Variants in COL4A4 observed in about 807,000 individuals in gnomAD.
The protein encoded by COL4A4 is collagen alpha-4(IV) chain.
COL4A4 carries 105 observed loss-of-function variants against 192.9 expected under a neutral mutation model. The observed-to-expected ratio is 0.54, with a 90% CI of 0.46 to 0.64. COL4A4 has a LOEUF of 0.64. Among genes scored for constraint, COL4A4 ranks in the 30% least tolerant of loss-of-function variants. The probability of loss-of-function intolerance (pLI) is 0.00; values close to 1 mark genes in which losing one functional copy is unlikely to be tolerated. For synonymous variants in COL4A4, 762 were observed against 769.9 expected, an observed-to-expected ratio of 0.99 and a Z score of 0.17; for missense variants, 1,967 against 2,169.3, an observed-to-expected ratio of 0.91 and a Z score of 1.85.
intron 25 of COL4A4, among the ~76,000 whole-genome samples, chr2:227,062,982 G>T (rs1262784254): frequency 6.6e-6 from 1 of 152,188 alleles, no homozygotes; most frequent in Non-Finnish European, 1.5e-5. Context: ...AATAGAATGA[G>T]AAGTCTCGAT....
At chr2:227,083,274 C>G (rs980882588) in intron 22 of COL4A4, among the ~76,000 whole-genome samples, 1 of 151,878 alleles carries the variant, frequency 6.6e-6, no homozygotes, top group Non-Finnish European at 1.5e-5. Context: ...TTAGGGTGGC[C>G]AAGCACCATT....
chr2:227,049,838 G>A (rs529544786), intron 34 of COL4A4, among the ~76,000 whole-genome samples: 57 of 152,318 alleles, frequency 3.7e-4, no homozygotes, highest in Non-Finnish European at 6.6e-4. Context: ...CACAGAGGAG[G>A]AAGACACGAA....
chr2:227,158,937 A>C (rs928072423), intron 1 of COL4A4, among the ~76,000 whole-genome samples: 7 of 152,198 alleles, frequency 4.6e-5, no homozygotes, highest in African/African-American at 1.4e-4. Context: ...CTACCATATG[A>C]CCTAACCATT....
At chr2:227,142,152 T>C (rs1477464958) in intron 3 of COL4A4, among the ~76,000 whole-genome samples, 1 of 144,000 alleles carries the variant, frequency 6.9e-6, no homozygotes, top group Non-Finnish European at 1.5e-5. Flanking sequence ...TTGACTTGGA[T>C]CAGTAAAAGG....
At chr2:227,007,731 G>T in intron 47 of COL4A4, 143 bp from the exon 48 acceptor site, 1 of 1,194,912 alleles carries the variant, frequency 8.4e-7, no homozygotes, top group Non-Finnish European at 1.2e-6. Flanking sequence ...GCGCTGAAAA[G>T]GAGTCGTACT....
chr2:226,999,292 T>C (rs1050715843), downstream of COL4A4: 4 of 152,212 alleles, frequency 2.6e-5, no homozygotes, highest in Admixed American at 6.5e-5. Flanking sequence ...AGGTCTTTTT[T>C]TTTTCCCTTG....
chr2:227,099,226 C>A (rs898474290), intron 18 of COL4A4, among the ~76,000 whole-genome samples: 1 of 152,092 alleles, frequency 6.6e-6, no homozygotes, highest in Admixed American at 6.5e-5. Context: ...GCCACCACAC[C>A]CAGCTAATTT....
At position 227,117,798 on chromosome 2, in the gene COL4A4, G is replaced by A. The variant is rs550233297; in HGVS notation, c.489+847C>T. Among the ~76,000 whole-genome samples the A allele has an allele frequency of 5.3e-5, 7 of 131,840 alleles. No homozygotes were observed. In the East Asian group the frequency reaches 1.0e-3, roughly 19 times the overall value. The allele number at this position is 131,840 out of a possible 152,430, so 86.5% of individuals were successfully genotyped here. On this transcript the variant is annotated intron_variant, in intron 7 of 47. Transcript: ENST00000396625. ...TTAAATGAAAGTCCAAAATTCTGAAGAAAAAAAAAGCTAAGAGCCGTAAGT... is the reference window on the plus strand; with the variant it reads ...TTAAATGAAAGTCCAAAATTCTGAAAAAAAAAAAAGCTAAGAGCCGTAAGT...
Position 227,078,005 on chromosome 2 carries a change from G to A in COL4A4, c.1876C>T (p.Pro626Ser). 1 of 1,613,994 alleles carries A rather than the reference G, an allele frequency of 6.2e-7. No homozygotes were observed. The highest frequency in any genetic ancestry group is 8.5e-7 in the Non-Finnish European group (1 of 1,179,992). Reference sequence around the variant, plus strand: ...AATCCCAGTCCTGGGGGCCCCACAGGTCCTGCTTTGCCTGGGGGGCCCAGA... The same window carrying A: ...AATCCCAGTCCTGGGGGCCCCACAGATCCTGCTTTGCCTGGGGGGCCCAGA... ...GPLGPPGKAG[P>S]VGPPGLGFPG... The change falls in exon 25 of 48, where the codon CCT (proline) becomes TCT (serine). Residue 626 changes from proline (P) to serine (S), a missense_variant. Coordinates refer to ENST00000396625, the MANE Select transcript of COL4A4 (RefSeq NM_000092.5).
the COL4A4 span, among the ~76,000 whole-genome samples, chr2:226,971,693 A>T: frequency 6.6e-6 from 1 of 152,122 alleles, no homozygotes; most frequent in Admixed American, 6.5e-5. Context: ...AAAATCAGAG[A>T]GGTGTTTTTT....
chr2:227,022,434 G>T (rs1231875856), intron 43 of COL4A4: 1 of 687,424 alleles, frequency 1.5e-6, no homozygotes, highest in Non-Finnish European at 2.8e-6. Flanking sequence ...GAGTATCAGA[G>T]GATGCAGAAG....
At chr2:227,141,499 G>C (rs1184653778) in intron 3 of COL4A4, among the ~76,000 whole-genome samples, 5 of 152,168 alleles carry the variant, frequency 3.3e-5, no homozygotes, top group African/African-American at 1.2e-4. Context: ...GGAGGGAAAA[G>C]AGTCTAATCA....
the COL4A4 span, among the ~76,000 whole-genome samples, chr2:226,983,458 C>G: frequency 6.6e-6 from 1 of 152,134 alleles, no homozygotes; most frequent in Non-Finnish European, 1.5e-5. Context: ...CCACCTCAAT[C>G]CATTTCTTTT....
Position 227,089,611 on chromosome 2 carries a change from A to ATATATATATATATATATATG in COL4A4, c.1459+256_1459+257insCATATATATATATATATATA, listed in dbSNP as rs1491267361. Among the ~76,000 whole-genome samples, 13 of 119,618 alleles carry ATATATATATATATATATATG rather than the reference A, an allele frequency of 1.1e-4. 1 individual carries two copies. The highest frequency in any genetic ancestry group is 5.5e-4 in the African/African-American group (13 of 23,462). 78.5% of individuals were successfully genotyped at this position (119,618 alleles called of 152,430 possible). A position where few individuals can be genotyped will look rare whatever the true frequency, so the allele number is the denominator to read the frequency against. ...TCCATATATATATATATATATATAC[A>ATATATATATATATATATATG]TACATATATATAAATATATAAGACA... On this transcript the variant is annotated intron_variant, in intron 21 of 47. Coordinates refer to ENST00000396625, the MANE Select transcript of COL4A4 (RefSeq NM_000092.5).
At chr2:226,984,137 G>A in the COL4A4 span, among the ~76,000 whole-genome samples, 1 of 152,230 alleles carries the variant, frequency 6.6e-6, no homozygotes, top group African/African-American at 2.4e-5. Flanking sequence ...TCACCGCTCT[G>A]ATCACTGGGG....
chr2:227,148,642 G>A (rs2063709523), intron 1 of COL4A4, among the ~76,000 whole-genome samples: 1 of 151,810 alleles, frequency 6.6e-6, no homozygotes, highest in Non-Finnish European at 1.5e-5. Flanking sequence ...TTTTTATTGA[G>A]ATAAAATTTA....
chr2:227,058,676 C>T (rs762798479), intron 28 of COL4A4, among the ~76,000 whole-genome samples: 27 of 152,160 alleles, frequency 1.8e-4, no homozygotes, highest in South Asian at 2.1e-4. Context: ...CACCATCACC[C>T]AAGAGGCCCA....
At chr2:227,088,949 G>T in intron 21 of COL4A4, 133 bp from the exon 22 acceptor site, 3 of 1,074,266 alleles carry the variant, frequency 2.8e-6, no homozygotes, top group South Asian at 1.4e-5. Flanking sequence ...ACAATTGAGA[G>T]CACGTGCTGT....
At chr2:227,134,560 C>A (rs896444078) in intron 4 of COL4A4, among the ~76,000 whole-genome samples, 1 of 152,180 alleles carries the variant, frequency 6.6e-6, no homozygotes, top group Non-Finnish European at 1.5e-5. Flanking sequence ...GATAGTGAGA[C>A]TGAGTTCTAG....
Sources: gnomAD v4.1 joint callset for allele counts (sites outside exome capture counted in the v4.1 genomes callset) on GRCh38, gnomAD v4.1.1 for gene constraint, MANE v1.5 for transcripts, NCBI Gene and HGNC (gene_info 2026-07-23, HGNC 2026-07-21) for gene names.